Variants in MSTO1 observed in about 807,000 individuals in gnomAD.
MSTO1 encodes the protein misato mitochondrial distribution and morphology regulator 1.
A neutral mutation model predicts 55.7 loss-of-function variants in MSTO1; 24 were observed. The observed-to-expected ratio is 0.43, with a 90% CI of 0.31 to 0.61. The LOEUF (loss-of-function observed/expected upper bound fraction) is 0.61, where lower values mean the gene tolerates loss of function less well. MSTO1 is among the 20% of genes least tolerant of loss of function. The pLI is 0.09. For missense variants in MSTO1, 363 were observed against 625.7 expected, an observed-to-expected ratio of 0.58 and a Z score of 4.48; for synonymous variants, 162 against 252.8, an observed-to-expected ratio of 0.64 and a Z score of 3.41.
chr1:155,567,093 G>A, the MSTO1 span, among the ~76,000 whole-genome samples: 3 of 151,738 alleles, frequency 2.0e-5, no homozygotes, highest in African/African-American at 7.3e-5. Flanking sequence ...TACATTTGAC[G>A]AGTTATGGTA....
At chr1:155,587,469 C>A in the MSTO1 span, among the ~76,000 whole-genome samples, 44 of 141,702 alleles carry the variant, frequency 3.1e-4, 1 homozygote, top group African/African-American at 1.0e-3. Flanking sequence ...AAAGGCCGGG[C>A]GTGGTGGCTC....
the MSTO1 span, among the ~76,000 whole-genome samples, chr1:155,568,268 T>TG: frequency 6.6e-6 from 1 of 151,364 alleles, no homozygotes; most frequent in East Asian, 2.0e-4. Context: ...TTAGTAGAGA[T>TG]GGGGTTTTAC....
chr1:155,573,803 A>G, the MSTO1 span, among the ~76,000 whole-genome samples: 1 of 148,228 alleles, frequency 6.7e-6, no homozygotes, highest in Admixed American at 7.0e-5. Flanking sequence ...ACGCTATTGC[A>G]CTCCAGCCTG....
the MSTO1 span, among the ~76,000 whole-genome samples, chr1:155,598,357 C>T: frequency 2.0e-5 from 3 of 151,918 alleles, no homozygotes; most frequent in Non-Finnish European, 2.9e-5. Flanking sequence ...TCAGGTGATC[C>T]ACCTGCCTCG....
chr1:155,569,821 G>A, the MSTO1 span, among the ~76,000 whole-genome samples: 1 of 151,874 alleles, frequency 6.6e-6, no homozygotes, highest in Non-Finnish European at 1.5e-5. Context: ...TTGAGATTTT[G>A]TTGGATTTTG....
At chr1:155,577,120 G>A in the MSTO1 span, among the ~76,000 whole-genome samples, 2 of 143,132 alleles carry the variant, frequency 1.4e-5, no homozygotes, top group Admixed American at 7.3e-5. Context: ...ATGGAGTCTC[G>A]CTCTGTCACC....
chr1:155,583,035 A>T, the MSTO1 span, among the ~76,000 whole-genome samples: 3 of 139,972 alleles, frequency 2.1e-5, no homozygotes, highest in Non-Finnish European at 3.1e-5. Context: ...CTGGCAAATT[A>T]AAAAAAAAAA....
the MSTO1 span, among the ~76,000 whole-genome samples, chr1:155,599,721 G>A: frequency 2.6e-5 from 4 of 152,328 alleles, no homozygotes; most frequent in Middle Eastern, 6.8e-3. Context: ...TTGATCATTC[G>A]TGGGTGTTTC....
chr1:155,580,981 G>T, the MSTO1 span, among the ~76,000 whole-genome samples: 35 of 151,382 alleles, frequency 2.3e-4, no homozygotes, highest in Non-Finnish European at 1.5e-5. Context: ...CATCAGAGTA[G>T]CGGCAGAGTT....
At chr1:155,572,852 G>T in the MSTO1 span, among the ~76,000 whole-genome samples, 1 of 151,960 alleles carries the variant, frequency 6.6e-6, no homozygotes, top group Non-Finnish European at 1.5e-5. Flanking sequence ...GTTTCTCCAT[G>T]TTGGTCAGGC....
chr1:155,598,999 G>A, the MSTO1 span: 79 of 780,432 alleles, frequency 1.0e-4, 1 homozygote, highest in Middle Eastern at 2.8e-4. Context: ...ATTTTCTAAC[G>A]GGGATCTGAT....
the MSTO1 span, among the ~76,000 whole-genome samples, chr1:155,603,840 A>G: frequency 6.6e-6 from 1 of 152,200 alleles, no homozygotes; most frequent in Non-Finnish European, 1.5e-5. Context: ...TCTGGGTGAC[A>G]GAGCGAGACT....
chr1:155,612,771 G>C, intron 9 of MSTO1, 73 bp from the exon 10 acceptor site: 12 of 1,581,120 alleles, frequency 7.6e-6, no homozygotes, highest in Non-Finnish European at 1.0e-5. Context: ...GGTCTCTCTG[G>C]TGTTAATATT....
chr1:155,612,431 A>C lies in MSTO1; in HGVS notation c.827A>C (p.Asn276Thr), dbSNP rs1444911105. 2 of 1,612,232 alleles carry C rather than the reference A, an allele frequency of 1.2e-6. No individual in the cohort carries two copies. The highest frequency in any genetic ancestry group is 2.2e-5 in the South Asian group (2 of 91,006). The change falls in exon 9 of 14, where the codon AAC (asparagine) becomes ACC (threonine). Residue 276 changes from asparagine to threonine, a missense_variant. Coordinates refer to ENST00000245564, the MANE Select transcript of MSTO1 (RefSeq NM_018116.4). ...GPYHRGEAQR[N>T]IYRLLNTAFG... The stretch of plus-strand genomic sequence containing the variant: ...TTTCTTCACCAGGAGGCCCAGAGAA[A>C]CATCTATCGTCTATTAAACACAGCT...
At chr1:155,572,352 A>G in the MSTO1 span, among the ~76,000 whole-genome samples, 22 of 152,306 alleles carry the variant, frequency 1.4e-4, no homozygotes, top group Middle Eastern at 3.4e-3. Context: ...AGAATTACTG[A>G]TCATGAGGAA....
At position 155,614,059 on chromosome 1, in the gene MSTO1, C is replaced by G; in HGVS notation, c.1499C>G (p.Ala500Gly). The G allele has an allele frequency of 3.5e-6, 5 of 1,447,922 alleles. No homozygotes were observed. The highest frequency in any genetic ancestry group is 2.3e-5 in the East Asian group (1 of 42,562). The allele number at this position is 1,447,922 out of a possible 1,614,324, so 89.7% of individuals were successfully genotyped here. ...GTCTCTGTTTCCTCTCCCTCCACAG[C>G]AGTGGAGAGCATCCCAGTGTTTGGG... is the stretch of plus-strand genomic sequence containing the variant. Reference protein sequence around the residue: ...MVLDGSPKGAAVESIPVFGAL... With the variant: ...MVLDGSPKGAGVESIPVFGAL... Residue 500 changes from alanine to glycine, a missense_variant and splice_region_variant, in exon 14 of 14, where the codon GCA becomes GGA. Ala to Gly is a moderately conservative substitution (Grantham distance 60, BLOSUM62 0). Around this residue, in one of 3 missense-constraint regions of MSTO1, gnomAD observed 38 missense variants for 126.4 expected, o/e 0.30. Coordinates refer to ENST00000245564, the MANE Select transcript of MSTO1 (RefSeq NM_018116.4).
the MSTO1 span, among the ~76,000 whole-genome samples, chr1:155,583,699 A>C: frequency 6.6e-6 from 1 of 152,148 alleles, no homozygotes; most frequent in South Asian, 2.1e-4. Context: ...GTCATTTCTC[A>C]TAGTGTCTAT....
At chr1:155,587,171 G>C in the MSTO1 span, among the ~76,000 whole-genome samples, 1 of 152,218 alleles carries the variant, frequency 6.6e-6, no homozygotes, top group Admixed American at 6.5e-5. Flanking sequence ...GCCGGGCGCC[G>C]TGGCTCACGC....
chr1:155,597,297 C>T, the MSTO1 span, among the ~76,000 whole-genome samples: 1 of 151,430 alleles, frequency 6.6e-6, no homozygotes, highest in Non-Finnish European at 1.5e-5. Flanking sequence ...GGTAAAACCC[C>T]GTCTCTATTA....
Sources: allele counts gnomAD v4.1 joint callset (sites outside exome capture counted in the v4.1 genomes callset), GRCh38; gene constraint gnomAD v4.1.1; regional missense constraint gnomAD v4.1.1; transcripts MANE v1.5; gene names NCBI Gene and HGNC (gene_info 2026-07-23, HGNC 2026-07-21).